CNIH3: variants seen among roughly 807,000 people sequenced by gnomAD.
CNIH3 encodes cornichon family AMPA receptor auxiliary protein 3, also known as protein cornichon homolog 3.
CNIH3 carries 14 observed loss-of-function variants against 24.1 expected under a neutral mutation model. The observed-to-expected ratio is 0.58, with a 90% CI of 0.38 to 0.91. The LOEUF (loss-of-function observed/expected upper bound fraction) is 0.91. Among genes scored for constraint, CNIH3 ranks in the 40% least tolerant of loss-of-function variants. CNIH3 has a pLI of 0.00. For missense variants in CNIH3, 178 were observed against 196.8 expected (o/e 0.90, Z 0.57); for synonymous variants, 68 against 73.8 (o/e 0.92, Z 0.40).
chr1:224,590,697 C>T (rs957053760), downstream of CNIH3, among the ~76,000 whole-genome samples: 4 of 152,182 alleles, frequency 2.6e-5, no homozygotes, highest in Non-Finnish European at 5.9e-5. Context: ...CCTTAGGTCT[C>T]ATCTTCCAAC....
intron 1 of CNIH3, among the ~76,000 whole-genome samples, chr1:224,442,318 T>C (rs1028989945): frequency 6.6e-6 from 1 of 152,204 alleles, no homozygotes; most frequent in Non-Finnish European, 1.5e-5. Context: ...TACTGGGGTT[T>C]GTATCATCAC....
chr1:224,445,850 T>C (rs1336787638), intron 1 of CNIH3, among the ~76,000 whole-genome samples: 1 of 152,206 alleles, frequency 6.6e-6, no homozygotes, highest in Admixed American at 6.5e-5. Context: ...TATTCTTCTG[T>C]GTTATATCCT....
intron 3 of CNIH3, among the ~76,000 whole-genome samples, chr1:224,603,974 T>C (rs1200965558): frequency 6.6e-6 from 1 of 152,214 alleles, no homozygotes; most frequent in African/African-American, 2.4e-5. Context: ...AACGCTGCCT[T>C]TGCAACTTAC....
At chr1:224,608,598 T>A (rs1397750466) in intron 3 of CNIH3, among the ~76,000 whole-genome samples, 2 of 152,244 alleles carry the variant, frequency 1.3e-5, no homozygotes, top group Non-Finnish European at 2.9e-5. Flanking sequence ...ATAACATAAC[T>A]GGTTAGGTCA....
intron 3 of CNIH3, chr1:224,565,557 C>T: frequency 6.6e-6 from 1 of 152,632 alleles, no homozygotes. Flanking sequence ...TGCTTGCTCC[C>T]TGAGCCCTAC....
At chr1:224,634,557 A>T (rs1024465187) in intron 1 of CNIH3, among the ~76,000 whole-genome samples, 3 of 149,396 alleles carry the variant, frequency 2.0e-5, no homozygotes, top group African/African-American at 7.5e-5. Flanking sequence ...TGGGCAACAG[A>T]TTGAGACTCT....
At chr1:224,501,174 C>T (rs1038051982) in intron 1 of CNIH3, among the ~76,000 whole-genome samples, 1 of 151,986 alleles carries the variant, frequency 6.6e-6, no homozygotes, top group Non-Finnish European at 1.5e-5. Flanking sequence ...TGTTTTATGT[C>T]CACTTGTTTG....
chr1:224,491,474 T>G (rs1288789251), intron 1 of CNIH3, among the ~76,000 whole-genome samples: 3 of 152,200 alleles, frequency 2.0e-5, no homozygotes, highest in African/African-American at 7.2e-5. Context: ...ATTAAATAAA[T>G]TATGTTTAAA....
chr1:224,634,983 G>C (rs1684016936), intron 1 of CNIH3, among the ~76,000 whole-genome samples: 1 of 152,190 alleles, frequency 6.6e-6, no homozygotes, highest in African/African-American at 2.4e-5. Flanking sequence ...GTCTCACAAG[G>C]GGTGTGTTAG....
At chr1:224,555,046 T>A (rs1191049042) in intron 3 of CNIH3, among the ~76,000 whole-genome samples, 1 of 151,936 alleles carries the variant, frequency 6.6e-6, no homozygotes, top group East Asian at 1.9e-4. Context: ...TTGTTGGGGG[T>A]AGTAGGGGAG....
chr1:224,644,166 G>A (rs1558246411), intron 1 of CNIH3, among the ~76,000 whole-genome samples: 2 of 152,180 alleles, frequency 1.3e-5, no homozygotes, highest in Non-Finnish European at 2.9e-5. Context: ...TGTGTTGAAT[G>A]CCTTGGGGAG....
chr1:224,720,252 CTTTTT>C (rs10625559), intron 3 of CNIH3, among the ~76,000 whole-genome samples: 1 of 142,084 alleles, frequency 7.0e-6, no homozygotes, highest in Non-Finnish European at 1.5e-5. Context: ...GGATAGTCAT[CTTTTT>C]TTTTTTTTTT....
intron 3 of CNIH3, among the ~76,000 whole-genome samples, chr1:224,602,762 G>A (rs1030729433): frequency 6.6e-6 from 1 of 152,152 alleles, no homozygotes; most frequent in African/African-American, 2.4e-5. Flanking sequence ...TTTTAGAGAA[G>A]TAACAAGAAA....
chr1:224,447,517 A>G (rs1675217391), intron 1 of CNIH3, among the ~76,000 whole-genome samples: 1 of 152,230 alleles, frequency 6.6e-6, no homozygotes, highest in South Asian at 2.1e-4. Context: ...ACCCTGGCAG[A>G]CACACCCAGA....
intron 1 of CNIH3, chr1:224,435,105 G>GGCGT (rs2102933758): frequency 1.0e-6 from 1 of 985,778 alleles, no homozygotes; most frequent in Non-Finnish European, 1.2e-6. Context: ...TGGCAGAGTT[G>GGCGT]GCGTGCGTGC....
At chr1:224,455,956 T>C (rs906932543) in intron 1 of CNIH3, among the ~76,000 whole-genome samples, 8 of 152,256 alleles carry the variant, frequency 5.3e-5, no homozygotes, top group Non-Finnish European at 1.0e-4. Flanking sequence ...ACTGACATTA[T>C]ATTTGTGGCA....
intron 3 of CNIH3, among the ~76,000 whole-genome samples, chr1:224,599,115 T>A (rs1046351313): frequency 6.6e-6 from 1 of 152,184 alleles, no homozygotes; most frequent in Non-Finnish European, 1.5e-5. Context: ...ACTGCAAAAA[T>A]TATTTTAGTT....
rs566850002 is a variant in CNIH3, at chr1:224,507,365, C to T, written n.204-8376C>T. On this transcript the variant is annotated intron_variant and non_coding_transcript_variant, in intron 1 of 5. Coordinates refer to the CNIH3 transcript ENST00000471578. ...ACCCTGGGCAAGTGTCCTCTCTGTG[C>T]CTCAGTTTTCTCATTTGTAAATGAG... Among the ~76,000 whole-genome samples, 302 of 152,202 alleles carry T rather than the reference C, an allele frequency of 2.0e-3. 1 individual carries two copies. Among genetic ancestry groups the T allele is most frequent in the African/African-American group, 7.1e-3 (293 of 41,524 alleles).
intron 2 of CNIH3, among the ~76,000 whole-genome samples, chr1:224,545,838 C>T (rs909120362): frequency 1.3e-5 from 2 of 152,154 alleles, no homozygotes; most frequent in Non-Finnish European, 2.9e-5. Flanking sequence ...GCTGCTGTAA[C>T]ACAATACCAC....
Sources: gnomAD v4.1 joint callset for allele counts (sites outside exome capture counted in the v4.1 genomes callset) on GRCh38, gnomAD v4.1.1 for gene constraint, MANE v1.5 for transcripts, NCBI Gene and HGNC (gene_info 2026-07-23, HGNC 2026-07-21) for gene names.